Variants in STK32A observed in about 807,000 individuals in gnomAD.
The protein encoded by STK32A is serine/threonine-protein kinase 32A.
STK32A carries 41 observed loss-of-function variants against 53.2 expected under a neutral mutation model. That is an observed-to-expected ratio of 0.77 (90% confidence interval 0.60 to 1.00). The LOEUF (loss-of-function observed/expected upper bound fraction) is 1.00. Among genes scored for constraint, STK32A ranks in the 50% least tolerant of loss-of-function variants. The pLI is 0.00. For missense variants in STK32A, 458 were observed against 485.8 expected (o/e 0.94, Z 0.54); for synonymous variants, 166 against 162.8 (o/e 1.02, Z -0.15).
At chr5:147,299,550 G>A (rs191090800) in intron 4 of STK32A, among the ~76,000 whole-genome samples, 7 of 152,252 alleles carry the variant, frequency 4.6e-5, no homozygotes, top group African/African-American at 1.2e-4. Flanking sequence ...CAATTGTCAC[G>A]AACTTGAGGG....
chr5:147,281,242 C>T (rs1752051384), intron 4 of STK32A, among the ~76,000 whole-genome samples: 1 of 152,032 alleles, frequency 6.6e-6, no homozygotes, highest in African/African-American at 2.4e-5. Flanking sequence ...GCAATGGATC[C>T]AAACCAAGAA....
intron 4 of STK32A, among the ~76,000 whole-genome samples, chr5:147,301,279 T>A (rs1753119887): frequency 8.3e-6 from 1 of 120,534 alleles, no homozygotes; most frequent in African/African-American, 3.5e-5. Context: ...AATGCCTGGT[T>A]GTTTATTTCA....
chr5:147,285,393 G>A (rs1752279817), intron 4 of STK32A, among the ~76,000 whole-genome samples: 1 of 152,138 alleles, frequency 6.6e-6, no homozygotes, highest in South Asian at 2.1e-4. Context: ...ATTGGCTTAA[G>A]CAAGGGTTTC....
intron 4 of STK32A, among the ~76,000 whole-genome samples, chr5:147,316,220 T>C (rs951262523): frequency 1.3e-5 from 2 of 152,206 alleles, no homozygotes; most frequent in African/African-American, 4.8e-5. Context: ...GGGAGAAGAC[T>C]GATGAAGTTA....
At chr5:147,356,624 T>G (rs1756262383) in intron 7 of STK32A, among the ~76,000 whole-genome samples, 1 of 152,148 alleles carries the variant, frequency 6.6e-6, no homozygotes, top group African/African-American at 2.4e-5. Context: ...TTTTTATTGT[T>G]GAATGTTAGG....
intron 4 of STK32A, among the ~76,000 whole-genome samples, chr5:147,308,803 G>T (rs1753550865): frequency 6.6e-6 from 1 of 150,986 alleles, no homozygotes; most frequent in Non-Finnish European, 1.5e-5. Context: ...TTTCTATTGT[G>T]AGTGAAGCAA....
chr5:147,264,014 G>A (rs1235514461), intron 2 of STK32A, among the ~76,000 whole-genome samples: 1 of 152,136 alleles, frequency 6.6e-6, no homozygotes. Context: ...GTGTGGAAAG[G>A]TAGAAGATAA....
At chr5:147,362,753 C>T (rs1175313151) in intron 8 of STK32A, among the ~76,000 whole-genome samples, 8 of 152,148 alleles carry the variant, frequency 5.3e-5, no homozygotes, top group Non-Finnish European at 2.9e-5. Flanking sequence ...TATGATTCAT[C>T]CTAAGGCAAA....
Position 147,239,647 on chromosome 5 carries a change from A to G in STK32A, c.13A>G (p.Thr5Ala), listed in dbSNP as rs995575806. The G allele has an allele frequency of 6.2e-7, 1 of 1,608,800 alleles. No homozygotes were observed. Among genetic ancestry groups the G allele is most frequent in the Non-Finnish European group, 8.5e-7 (1 of 1,177,376 alleles). MGAN[T>A]SRKPPVFDEN... ...GGCAGATTCAACCATGGGAGCGAAC[A>G]CTTCAAGAAAACCACCAGTGTTTGA... The change falls in exon 2 of 13, where the codon ACT becomes GCT. Residue 5 changes from threonine to alanine, a missense_variant. By Grantham distance (58) the Thr-to-Ala change is moderately conservative. Coordinates refer to ENST00000397936, the MANE Select transcript of STK32A (RefSeq NM_001112724.2).
At chr5:147,279,852 A>G (rs1751968197) in intron 4 of STK32A, among the ~76,000 whole-genome samples, 1 of 152,232 alleles carries the variant, frequency 6.6e-6, no homozygotes, top group East Asian at 1.9e-4. Context: ...CCTAGGTCAA[A>G]TCCAGCACAA....
At chr5:147,358,673 C>T (rs1484082315) in intron 7 of STK32A, among the ~76,000 whole-genome samples, 2 of 151,974 alleles carry the variant, frequency 1.3e-5, no homozygotes, top group Non-Finnish European at 2.9e-5. Context: ...CCAAAGAATA[C>T]AAGGAATACG....
intron 11 of STK32A, chr5:147,383,153 C>T (rs905441565): frequency 9.7e-6 from 4 of 414,462 alleles, no homozygotes; most frequent in African/African-American, 8.5e-5. Context: ...CCACCCAAGC[C>T]TTCCCTGAAA....
At chr5:147,257,932 A>G (rs1374702350) in intron 2 of STK32A, among the ~76,000 whole-genome samples, 1 of 152,070 alleles carries the variant, frequency 6.6e-6, no homozygotes, top group African/African-American at 2.4e-5. Flanking sequence ...CTTTTTACTG[A>G]GAAATTTCCT....
chr5:147,259,445 G>A (rs1281919545), intron 2 of STK32A, among the ~76,000 whole-genome samples: 3 of 152,016 alleles, frequency 2.0e-5, no homozygotes, highest in Non-Finnish European at 4.4e-5. Context: ...TTCAGGCTAT[G>A]CCCTTGTTTA....
chr5:147,239,757 A>G (rs1489667689), intron 2 of STK32A, 71 bp downstream of exon 2: 5 of 1,195,144 alleles, frequency 4.2e-6, no homozygotes, highest in African/African-American at 3.1e-5. Context: ...TTCTAGTTTC[A>G]TAAGTTAAGC....
At chr5:147,352,695 T>C (rs1184458894) in intron 7 of STK32A, among the ~76,000 whole-genome samples, 3 of 152,232 alleles carry the variant, frequency 2.0e-5, no homozygotes, top group Admixed American at 2.0e-4. Context: ...AATTCTTGAT[T>C]AGATATCTGT....
At chr5:147,342,346 G>A (rs1755465738) in intron 5 of STK32A, 2 of 152,326 alleles carry the variant, frequency 1.3e-5, no homozygotes, top group South Asian at 4.2e-4. Context: ...ATCCCATGTG[G>A]TCAGAATATA....
At chr5:147,339,652 A>ACAGAGGTGGAG (rs1010891925) in intron 5 of STK32A, among the ~76,000 whole-genome samples, 22 of 152,400 alleles carry the variant, frequency 1.4e-4, no homozygotes, top group Admixed American at 1.2e-3. Flanking sequence ...CTGGAAAGCC[A>ACAGAGGTGGAG]CAGAGGTGGA....
chr5:147,320,435 CCTTTCTTT>C lies in STK32A; in HGVS notation c.261-3458_261-3451del, dbSNP rs551730072. Among the ~76,000 whole-genome samples the C allele has an allele frequency of 3.3e-5, 3 of 90,212 alleles. No individual in the cohort carries two copies. The East Asian group carries it at 7.4e-4, about 22-fold the overall frequency. 59.2% of individuals were successfully genotyped at this position (90,212 alleles called of 152,430 possible). A position where few individuals can be genotyped will look rare whatever the true frequency, so the allele number is the denominator to read the frequency against. On this transcript the variant is annotated intron_variant, in intron 4 of 12. Coordinates refer to ENST00000397936, the MANE Select transcript of STK32A (RefSeq NM_001112724.2). Reference sequence around the variant, plus strand: ...GCTTGTGTTTTAACCTTGCTTCTCTCCTTTCTTTCTTTGATTCATTGATTATGTTTTCT... The same window carrying C: ...GCTTGTGTTTTAACCTTGCTTCTCTCCTTTGATTCATTGATTATGTTTTCT...
Sources: gnomAD v4.1 joint callset for allele counts (sites outside exome capture counted in the v4.1 genomes callset) on GRCh38, gnomAD v4.1.1 for gene constraint, MANE v1.5 for transcripts, NCBI Gene and HGNC (gene_info 2026-07-23, HGNC 2026-07-21) for gene names.